Variants in JPH3 observed in about 807,000 individuals in gnomAD.
JPH3 encodes junctophilin-3.
Under a neutral mutation model 59.6 loss-of-function variants are expected in JPH3, and 11 were observed. That is an observed-to-expected ratio of 0.18 (90% CI 0.12 to 0.31). JPH3 has a LOEUF of 0.31. JPH3 is among the 10% of genes least tolerant of loss of function. The probability of loss-of-function intolerance (pLI) is 1.00; values close to 1 mark genes in which losing one functional copy is unlikely to be tolerated. For missense variants in JPH3, 1,202 were observed against 1,105.7 expected, an observed-to-expected ratio of 1.09 and a Z score of -1.24; for synonymous variants, 673 against 483.6, an observed-to-expected ratio of 1.39 and a Z score of -5.14.
chr16:87,635,664 C>T (rs972760270), intron 1 of JPH3, among the ~76,000 whole-genome samples: 5 of 152,222 alleles, frequency 3.3e-5, no homozygotes, highest in South Asian at 2.1e-4. Context: ...AGCTGTGGCT[C>T]GAGTGACACC....
At chr16:87,689,560 C>T (rs2142833837) in intron 3 of JPH3, 86 bp from the exon 4 acceptor site, 2 of 1,444,994 alleles carry the variant, frequency 1.4e-6, no homozygotes, top group South Asian at 1.3e-5. Flanking sequence ...CTGAGGTTCC[C>T]TCTGGCGCCC....
At chr16:87,685,943 T>G (rs879553490) in intron 3 of JPH3, among the ~76,000 whole-genome samples, 19 of 152,066 alleles carry the variant, frequency 1.2e-4, no homozygotes, top group African/African-American at 1.9e-4. Flanking sequence ...GGAACAGACT[T>G]TGAGACAAGA....
chr16:87,660,168 G>C (rs1001695006), intron 2 of JPH3, among the ~76,000 whole-genome samples: 2 of 152,220 alleles, frequency 1.3e-5, no homozygotes, highest in Non-Finnish European at 2.9e-5. Flanking sequence ...AGACGGCAGT[G>C]CACAGGGACT....
intron 1 of JPH3, among the ~76,000 whole-genome samples, chr16:87,612,071 C>T (rs1387091294): frequency 6.6e-6 from 1 of 152,232 alleles, no homozygotes; most frequent in Non-Finnish European, 1.5e-5. Context: ...CGGGCCCCAC[C>T]CACAGGTGCT....
chr16:87,608,373 C>G (rs748664414), intron 1 of JPH3, among the ~76,000 whole-genome samples: 1 of 152,174 alleles, frequency 6.6e-6, no homozygotes, highest in Non-Finnish European at 1.5e-5. Context: ...GACAAAAAGA[C>G]TTGTGAGTAC....
chr16:87,629,601 C>T (rs2031496479), intron 1 of JPH3, among the ~76,000 whole-genome samples: 1 of 151,964 alleles, frequency 6.6e-6, no homozygotes, highest in East Asian at 1.9e-4. Context: ...GAGGCCACAT[C>T]CCGTGGGGTT....
At chr16:87,618,561 A>G (rs966722930) in intron 1 of JPH3, among the ~76,000 whole-genome samples, 2 of 152,166 alleles carry the variant, frequency 1.3e-5, no homozygotes, top group Admixed American at 6.5e-5. Context: ...GTTCGGCACT[A>G]ACTCCACCCC....
chr16:87,657,270 A>G (rs1045653027), intron 2 of JPH3, among the ~76,000 whole-genome samples: 5 of 152,256 alleles, frequency 3.3e-5, no homozygotes, highest in African/African-American at 9.6e-5. Context: ...CACGGCATGA[A>G]TGAGCCAGAG....
At chr16:87,615,132 T>C (rs1369634527) in intron 1 of JPH3, among the ~76,000 whole-genome samples, 1 of 152,238 alleles carries the variant, frequency 6.6e-6, no homozygotes, top group Admixed American at 6.5e-5. Flanking sequence ...GGTTGGTGGC[T>C]CTCCTGAGGG....
At chr16:87,659,404 C>G (rs972059764) in intron 2 of JPH3, among the ~76,000 whole-genome samples, 2 of 97,270 alleles carry the variant, frequency 2.1e-5, no homozygotes, top group Admixed American at 1.1e-4. Flanking sequence ...AAAAAGAAAA[C>G]TACACACACA....
intron 2 of JPH3, among the ~76,000 whole-genome samples, chr16:87,652,121 C>T (rs770556692): frequency 6.6e-6 from 1 of 152,122 alleles, no homozygotes; most frequent in Non-Finnish European, 1.5e-5. Flanking sequence ...ACTACAGGCG[C>T]CCACCACCGT....
At chr16:87,623,803 A>G (rs898878415) in intron 1 of JPH3, among the ~76,000 whole-genome samples, 4 of 152,192 alleles carry the variant, frequency 2.6e-5, no homozygotes, top group Non-Finnish European at 5.9e-5. Context: ...GTTTAGGGGC[A>G]AAGCTTGAAA....
chr16:87,674,601 C>A (rs78226960), intron 2 of JPH3, among the ~76,000 whole-genome samples: 9,948 of 152,234 alleles, frequency 0.065, 429 homozygotes, highest in South Asian at 0.15. Flanking sequence ...ATGTCGATCA[C>A]TGCATGGGAG....
intron 4 of JPH3, chr16:87,695,163 G>C (rs193183551): frequency 2.7e-6 from 1 of 369,454 alleles, no homozygotes; most frequent in Non-Finnish European, 5.3e-6. Context: ...TGGGTGGGGG[G>C]AAGGGGGAGG....
At chr16:87,643,310 C>A (rs2032016860) in intron 1 of JPH3, among the ~76,000 whole-genome samples, 1 of 152,198 alleles carries the variant, frequency 6.6e-6, no homozygotes, top group South Asian at 2.1e-4. Flanking sequence ...TTGTGGGTTG[C>A]CTTTCCCTTT....
chr16:87,661,130 G>A (rs997442580), intron 2 of JPH3, among the ~76,000 whole-genome samples: 20 of 152,272 alleles, frequency 1.3e-4, no homozygotes, highest in Admixed American at 5.9e-4. Context: ...TCCAGAGGCC[G>A]CCTGCGTTCC....
At chr16:87,695,466 T>C (rs2033790770) in intron 4 of JPH3, 2 of 455,726 alleles carry the variant, frequency 4.4e-6, no homozygotes, top group Non-Finnish European at 8.8e-6. Flanking sequence ...CCGGGGGCTC[T>C]GAACAGCTCC....
chr16:87,690,686 G>A (rs1230108714), intron 4 of JPH3, among the ~76,000 whole-genome samples, 160 bp downstream of exon 4: 2 of 152,190 alleles, frequency 1.3e-5, no homozygotes, highest in South Asian at 2.1e-4. Flanking sequence ...CCCTCAGGTC[G>A]CTGGGACCCT....
In JPH3 at chr16:87,644,982, C is replaced by T. The variant is rs144594225; in HGVS notation, c.1107C>T (p.Ala369=). The change falls in exon 2 of 5, where the codon GCC becomes GCT. Residue 369 remains alanine, a synonymous_variant. Coordinates refer to ENST00000284262, the MANE Select transcript of JPH3 (RefSeq NM_020655.4). ...IREKVDRAVE[A]AERAATIAKQ... is the part of the protein sequence containing the mutation. ...AGAAGGTGGACCGCGCCGTTGAGGCCGCTGAGCGGGCCGCCACCATCGCCA... is the reference window on the plus strand; with the variant it reads ...AGAAGGTGGACCGCGCCGTTGAGGCTGCTGAGCGGGCCGCCACCATCGCCA... 206 of 1,609,244 alleles carry T rather than the reference C, an allele frequency of 1.3e-4. 1 individual carries two copies. Among genetic ancestry groups the T allele is most frequent in the East Asian group, 4.0e-4 (18 of 44,808 alleles).
Sources: allele counts gnomAD v4.1 joint callset (sites outside exome capture counted in the v4.1 genomes callset), GRCh38; gene constraint gnomAD v4.1.1; transcripts MANE v1.5; gene names NCBI Gene and HGNC (gene_info 2026-07-23, HGNC 2026-07-21).